PCDHA2: variants seen among roughly 807,000 people sequenced by gnomAD.
The protein encoded by PCDHA2 is protocadherin alpha 2.
PCDHA2 carries 58 observed loss-of-function variants against 66.0 expected under a neutral mutation model. That is an observed-to-expected ratio of 0.88 (90% CI 0.71 to 1.09). The LOEUF is 1.09. Ranked by LOEUF, PCDHA2 falls within the 50% of genes least tolerant of loss-of-function variation. PCDHA2 has a pLI of 0.00. For synonymous variants in PCDHA2, 634 were observed against 554.0 expected (o/e 1.14, Z -2.03); for missense variants, 1,267 against 1,242.3 (o/e 1.02, Z -0.30).
Position 140,877,583 on chromosome 5 carries a change from T to C in PCDHA2, c.2388+80231T>C. On this transcript the variant is annotated intron_variant, in intron 1 of 3. Transcript: ENST00000526136. ...ATTAACGTGTACCTCATCATCGCCA[T>C]CTGTGCGGTGTCCAGCCTGCTGGTG... 6.2e-7 allele frequency: 1 copy of C among 1,613,816 alleles called. No homozygotes were observed. Among genetic ancestry groups the C allele is most frequent in the Admixed American group, 1.7e-5 (1 of 60,032 alleles).
chr5:140,966,188 T>G (rs1454663585), intron 1 of PCDHA2: 7 of 200,348 alleles, frequency 3.5e-5, no homozygotes, highest in Non-Finnish European at 6.9e-5. Context: ...ATAGCCAGAC[T>G]TCTAGGGGCT....
intron 1 of PCDHA2, among the ~76,000 whole-genome samples, chr5:140,936,528 T>C (rs2091012406): frequency 6.6e-6 from 1 of 152,244 alleles, no homozygotes; most frequent in Non-Finnish European, 1.5e-5. Flanking sequence ...TGAAATTGCT[T>C]TTGAATATAG....
chr5:140,960,875 A>G (rs2095577090), intron 1 of PCDHA2, among the ~76,000 whole-genome samples: 1 of 152,220 alleles, frequency 6.6e-6, no homozygotes, highest in African/African-American at 2.4e-5. Context: ...TAGCTGAAAT[A>G]CACACTAATG....
chr5:140,967,024 T>G, intron 1 of PCDHA2: 1 of 1,608,238 alleles, frequency 6.2e-7, no homozygotes, highest in Non-Finnish European at 8.5e-7. Flanking sequence ...GTGCGCCCAG[T>G]CCGCGCTACC....
intron 1 of PCDHA2, among the ~76,000 whole-genome samples, chr5:140,832,430 A>G (rs1250957305): frequency 6.6e-6 from 1 of 152,222 alleles, no homozygotes; most frequent in Non-Finnish European, 1.5e-5. Context: ...AGTACATGAT[A>G]ATTTTTAAGC....
chr5:140,887,385 C>T (rs1015937560), intron 1 of PCDHA2, among the ~76,000 whole-genome samples: 3 of 152,124 alleles, frequency 2.0e-5, no homozygotes, highest in Admixed American at 6.5e-5. Context: ...TGTGAGCCAC[C>T]GCGCCCGGCT....
rs2150278849 is a variant in PCDHA2 at position 140,837,698 on chromosome 5, C to T, written c.2388+40346C>T. ...CTTTTTTCTTTCTTCTTTCAAGACA[C>T]GCTCTCACTCCATCACCCAGGCTGC... On this transcript the variant is annotated intron_variant, in intron 1 of 3. Coordinates refer to ENST00000526136, the MANE Select transcript of PCDHA2 (RefSeq NM_018905.3). Among the ~76,000 whole-genome samples, 9 of 151,044 alleles carry T rather than the reference C, an allele frequency of 6.0e-5. No homozygotes were observed. In the East Asian group the frequency reaches 7.8e-4, roughly 13 times the overall value.
chr5:140,807,525 C>G, intron 1 of PCDHA2: 1 of 1,614,052 alleles, frequency 6.2e-7, no homozygotes, highest in South Asian at 1.1e-5. Flanking sequence ...GTAGACAGGC[C>G]GCTGCAGGTT....
chr5:141,009,449 A>T, intron 3 of PCDHA2, among the ~76,000 whole-genome samples, 178 bp from the exon 4 acceptor site: 1 of 152,184 alleles, frequency 6.6e-6, no homozygotes, highest in Non-Finnish European at 1.5e-5. Context: ...GTCTCAAAAA[A>T]ATTAAACAAA....
chr5:140,802,479 C>T, intron 1 of PCDHA2: 2 of 1,614,172 alleles, frequency 1.2e-6, no homozygotes, highest in Non-Finnish European at 1.7e-6. Flanking sequence ...GGTGACTGCT[C>T]GGGACGGGGG....
intron 1 of PCDHA2, chr5:140,801,645 T>G: frequency 6.2e-7 from 1 of 1,614,188 alleles, no homozygotes; most frequent in Non-Finnish European, 8.5e-7. Context: ...ACAGCCTGGC[T>G]CTCGGTTTTC....
chr5:140,874,587 T>A (rs1221042797), intron 1 of PCDHA2, among the ~76,000 whole-genome samples: 1 of 152,256 alleles, frequency 6.6e-6, no homozygotes, highest in Admixed American at 6.5e-5. Flanking sequence ...TGCTTTGGGA[T>A]AGTGTGAAAT....
At chr5:140,835,408 A>T (rs2150235029) in intron 1 of PCDHA2, 3 of 1,614,004 alleles carry the variant, frequency 1.9e-6, no homozygotes, top group Non-Finnish European at 2.5e-6. Flanking sequence ...GAAGTTGTGG[A>T]TGTAAATGAC....
intron 3 of PCDHA2, among the ~76,000 whole-genome samples, chr5:140,994,545 A>T (rs1397619431): frequency 2.6e-5 from 4 of 152,074 alleles, no homozygotes; most frequent in African/African-American, 9.7e-5. Flanking sequence ...TCTACAAAAA[A>T]AATATAAAAA....
chr5:140,881,039 A>G (rs1554171692), intron 1 of PCDHA2, among the ~76,000 whole-genome samples: 1 of 152,262 alleles, frequency 6.6e-6, no homozygotes, highest in Non-Finnish European at 1.5e-5. Context: ...CATTTCCTAT[A>G]GAGTTGTGCA....
In PCDHA2 at chr5:140,871,238, T is replaced by C. The variant is rs200192228; in HGVS notation, c.2388+73886T>C. 68 of 1,613,968 alleles carry C rather than the reference T, an allele frequency of 4.2e-5. No homozygotes were observed. The Admixed American group carries it at 6.2e-4, about 15-fold the overall frequency. ...TGCGTGGTGTCCAGCCTCCTGGTACTCACGCTGCTGCTGTATACGGCGCTG... is the reference window on the plus strand; with the variant it reads ...TGCGTGGTGTCCAGCCTCCTGGTACCCACGCTGCTGCTGTATACGGCGCTG... On this transcript the variant is annotated intron_variant, in intron 1 of 3. Transcript: ENST00000526136.
chr5:140,967,368 A>G (rs2096133589), intron 1 of PCDHA2: 1 of 1,607,738 alleles, frequency 6.2e-7, no homozygotes, highest in Non-Finnish European at 8.5e-7. Flanking sequence ...AAGCCCCTGC[A>G]GGAGAACAGT....
chr5:140,961,878 C>A (rs2095639757), intron 1 of PCDHA2, among the ~76,000 whole-genome samples: 1 of 150,888 alleles, frequency 6.6e-6, no homozygotes, highest in Non-Finnish European at 1.5e-5. Context: ...AATTGACTTA[C>A]TTACATCAGT....
At chr5:140,832,321 C>T (rs1475478969) in intron 1 of PCDHA2, among the ~76,000 whole-genome samples, 2 of 152,258 alleles carry the variant, frequency 1.3e-5, no homozygotes, top group Middle Eastern at 3.4e-3. Flanking sequence ...GCTTAAGGGC[C>T]ATTAGAGGAC....
Sources: allele counts gnomAD v4.1 joint callset (sites outside exome capture counted in the v4.1 genomes callset), GRCh38; gene constraint gnomAD v4.1.1; transcripts MANE v1.5; gene names NCBI Gene and HGNC (gene_info 2026-07-23, HGNC 2026-07-21).